Variants in SPIRE1 observed in about 807,000 individuals in gnomAD.
SPIRE1 encodes the protein protein spire homolog 1.
In SPIRE1, 40 loss-of-function variants were observed where a neutral mutation model predicts 94.1. The ratio of observed to expected loss-of-function variants is 0.43; its 90% confidence interval spans 0.33 to 0.55. The LOEUF is 0.55. SPIRE1 is among the 20% of genes least tolerant of loss of function. SPIRE1 has a pLI of 0.06. For synonymous variants in SPIRE1, 376 were observed against 371.7 expected (o/e 1.01, Z -0.13); for missense variants, 838 against 975.2 (o/e 0.86, Z 1.87).
At chr18:12,504,875 TC>T (rs955672030) in intron 6 of SPIRE1, among the ~76,000 whole-genome samples, 16 of 152,064 alleles carry the variant, frequency 1.1e-4, no homozygotes, top group African/African-American at 3.6e-4. Context: ...AGAGGAGAGC[TC>T]CTGAGAGAAG....
At chr18:12,641,669 A>G (rs964426006) in intron 1 of SPIRE1, among the ~76,000 whole-genome samples, 12 of 151,892 alleles carry the variant, frequency 7.9e-5, no homozygotes, top group African/African-American at 2.7e-4. Context: ...ACCCAGCCTC[A>G]TACATGAATT....
chr18:12,497,099 CA>C (rs1003997165), intron 6 of SPIRE1, among the ~76,000 whole-genome samples: 1 of 151,632 alleles, frequency 6.6e-6, no homozygotes, highest in African/African-American at 2.4e-5. Flanking sequence ...CAAACAACAA[CA>C]AAAAAACCCC....
At chr18:12,658,823 TC>T, upstream of SPIRE1, 1 of 321,824 alleles carries the variant, frequency 3.1e-6, no homozygotes. Flanking sequence ...CACTGACTTC[TC>T]CCAAAAGCTA....
intron 2 of SPIRE1, among the ~76,000 whole-genome samples, chr18:12,613,988 G>A (rs1474666344): frequency 6.6e-6 from 1 of 152,138 alleles, no homozygotes; most frequent in Non-Finnish European, 1.5e-5. Flanking sequence ...GGCAAGCACG[G>A]TGGCACACAC....
chr18:12,617,198 C>T (rs1164625392), intron 2 of SPIRE1, among the ~76,000 whole-genome samples: 4 of 147,942 alleles, frequency 2.7e-5, no homozygotes, highest in African/African-American at 1.0e-4. Flanking sequence ...CTCGCTCTGT[C>T]GCCCAGGCTG....
At chr18:12,513,003 T>A (rs1230162496) in intron 4 of SPIRE1, among the ~76,000 whole-genome samples, 6 of 152,108 alleles carry the variant, frequency 3.9e-5, no homozygotes, top group Non-Finnish European at 7.4e-5. Flanking sequence ...CCTTCCTCCC[T>A]GAATAAGTCA....
intron 2 of SPIRE1, among the ~76,000 whole-genome samples, chr18:12,575,759 T>C (rs2036077834): frequency 6.6e-6 from 1 of 152,214 alleles, no homozygotes; most frequent in Admixed American, 6.5e-5. Context: ...TTGCTGAAAG[T>C]AAAGGTCTAA....
intron 10 of SPIRE1, among the ~76,000 whole-genome samples, chr18:12,465,982 G>T (rs1396052016): frequency 6.6e-6 from 1 of 151,880 alleles, no homozygotes; most frequent in Non-Finnish European, 1.5e-5. Flanking sequence ...TACTTGGGAG[G>T]CAGAGGCAGG....
upstream of SPIRE1, chr18:12,658,145 A>G (rs1390246635): frequency 1.2e-6 from 1 of 845,600 alleles, no homozygotes; most frequent in Non-Finnish European, 1.5e-6. Flanking sequence ...CGCGCCGTCC[A>G]GCGCCGCCCA....
intron 2 of SPIRE1, among the ~76,000 whole-genome samples, chr18:12,626,886 A>ATATATATATATATATATATAT (rs55915333): frequency 8.9e-6 from 1 of 111,892 alleles, no homozygotes; most frequent in Non-Finnish European, 1.9e-5. Context: ...ATATATATAT[A>ATATATATATATATATATATAT]TTTTTTTTTT....
intron 2 of SPIRE1, among the ~76,000 whole-genome samples, chr18:12,573,141 C>T (rs1363404734): frequency 6.6e-6 from 1 of 152,008 alleles, no homozygotes; most frequent in Non-Finnish European, 1.5e-5. Context: ...TCTTAAAACC[C>T]AGTGAGAAAA....
At chr18:12,488,265 C>G (rs981196510) in intron 8 of SPIRE1, among the ~76,000 whole-genome samples, 1 of 152,088 alleles carries the variant, frequency 6.6e-6, no homozygotes, top group Non-Finnish European at 1.5e-5. Context: ...TTTTGTCACC[C>G]CATTTCACAA....
chr18:12,463,620 G>A, intron 11 of SPIRE1, 127 bp from the exon 12 acceptor site: 2 of 748,894 alleles, frequency 2.7e-6, no homozygotes, highest in South Asian at 4.6e-5. Flanking sequence ...ATTTTAAGAT[G>A]GTAATGGTAA....
At chr18:12,529,105 C>T (rs2034607517) in intron 4 of SPIRE1, among the ~76,000 whole-genome samples, 1 of 152,250 alleles carries the variant, frequency 6.6e-6, no homozygotes, top group African/African-American at 2.4e-5. Context: ...CACAGTGGCT[C>T]ACGCCTGTAA....
At chr18:12,489,080 C>T (rs1012653915) in intron 8 of SPIRE1, among the ~76,000 whole-genome samples, 4 of 151,950 alleles carry the variant, frequency 2.6e-5, no homozygotes, top group Non-Finnish European at 5.9e-5. Flanking sequence ...CCCAGCTACT[C>T]GGGAGGCTGA....
At chr18:12,511,786 G>T (rs2034042093) in intron 5 of SPIRE1, among the ~76,000 whole-genome samples, 1 of 152,150 alleles carries the variant, frequency 6.6e-6, no homozygotes. Flanking sequence ...GTGCAGTGGT[G>T]TGATCATAGT....
intron 2 of SPIRE1, among the ~76,000 whole-genome samples, chr18:12,564,363 T>C (rs940789319): frequency 1.3e-5 from 2 of 152,122 alleles, no homozygotes; most frequent in African/African-American, 4.8e-5. Flanking sequence ...TCCCTAACTA[T>C]GAGTCAAACT....
chr18:12,556,824 C>A (rs376445890), intron 2 of SPIRE1, among the ~76,000 whole-genome samples: 1 of 152,118 alleles, frequency 6.6e-6, no homozygotes, highest in Non-Finnish European at 1.5e-5. Context: ...CTGCAAAGAG[C>A]GAAAGAACAA....
chr18:12,462,949 G>A (rs1311822385), intron 12 of SPIRE1, among the ~76,000 whole-genome samples: 1 of 152,156 alleles, frequency 6.6e-6, no homozygotes, highest in Non-Finnish European at 1.5e-5. Flanking sequence ...AGGCTAGAGT[G>A]CAATGGTGTA....
Sources: allele counts gnomAD v4.1 joint callset (sites outside exome capture counted in the v4.1 genomes callset), GRCh38; gene constraint gnomAD v4.1.1; transcripts MANE v1.5; gene names NCBI Gene and HGNC (gene_info 2026-07-23, HGNC 2026-07-21).